The following ZNF827 variants were observed in gnomAD, a reference collection of about 807,000 sequenced individuals.
ZNF827 encodes the protein zinc finger protein 827.
ZNF827 carries 13 observed loss-of-function variants against 102.4 expected under a neutral mutation model. The observed-to-expected ratio is 0.13, with a 90% CI of 0.08 to 0.20. The LOEUF is 0.20. ZNF827 is among the 10% of genes least tolerant of loss of function. ZNF827 has a pLI of 1.00. For missense variants in ZNF827, 1,103 were observed against 1,344.4 expected, an observed-to-expected ratio of 0.82 and a Z score of 2.81; for synonymous variants, 523 against 536.2, an observed-to-expected ratio of 0.98 and a Z score of 0.34.
intron 5 of ZNF827, among the ~76,000 whole-genome samples, chr4:145,853,671 T>A (rs1156481593): frequency 6.6e-6 from 1 of 152,114 alleles, no homozygotes; most frequent in East Asian, 1.9e-4. Flanking sequence ...GGTGGCTGAC[T>A]GTAGTCTGAA....
intron 5 of ZNF827, among the ~76,000 whole-genome samples, chr4:145,869,109 G>A (rs978639720): frequency 1.2e-4 from 19 of 152,318 alleles, no homozygotes; most frequent in African/African-American, 4.3e-4. Flanking sequence ...GCTATGATAA[G>A]AATGTAATGA....
At position 145,919,638 on chromosome 4, in the gene ZNF827, A is replaced by G. The variant is rs187111518; in HGVS notation, c.44-16423T>C. Among the ~76,000 whole-genome samples the G allele has an allele frequency of 3.2e-3, 483 of 152,356 alleles. 3 individuals carry two copies. Among genetic ancestry groups the G allele is most frequent in the African/African-American group, 0.011 (451 of 41,586 alleles). ...AGGAATACAGTGATGAACCAGAAAT[A>G]TGAAGAATGCTCTGTCCCCCACTAC... On this transcript the variant is annotated intron_variant, in intron 1 of 14. Transcript: ENST00000508784.
chr4:145,902,420 G>A lies in ZNF827; in HGVS notation c.839C>T (p.Ser280Phe). 3 of 1,614,216 alleles carry A rather than the reference G, an allele frequency of 1.9e-6. No homozygotes were observed. Among genetic ancestry groups the A allele is most frequent in the Non-Finnish European group, 1.7e-6 (2 of 1,180,052 alleles). Reference protein sequence around the residue: ...EHPPPASSFLSLASMTSSAAL... With the variant: ...EHPPPASSFLFLASMTSSAAL... ...CGCTGAGGAGGTCATAGAAGCCAGG[G>A]AAAGGAAGGAGCTGGCCGGTGGAGG... The change falls in exon 2 of 15, where the codon TCC (serine) becomes TTC (phenylalanine). Residue 280 changes from serine to phenylalanine, a missense_variant. Coordinates refer to ENST00000508784, the MANE Select transcript of ZNF827 (RefSeq NM_001306215.2). This position sits in a 1 kb window ranked among gnomAD's most constrained non-coding sequence, Gnocchi z 4.3.
rs780844219 is a variant in ZNF827, at chr4:145,938,431, CT to C, written c.-25del. 21 of 1,566,432 alleles carry C rather than the reference CT, an allele frequency of 1.3e-5. No homozygotes were observed. Among genetic ancestry groups the C allele is most frequent in the Non-Finnish European group, 1.8e-5 (21 of 1,151,912 alleles). On this transcript the variant is annotated 5_prime_UTR_variant, in exon 1 of 15. Transcript: ENST00000508784. ...ATTTTCCCCCTTTTCTCACATTCTC[CT>C]CCTTGGTTAATGTGAGATCAAATAA...
intron 8 of ZNF827, among the ~76,000 whole-genome samples, chr4:145,807,784 A>C (rs1464758588): frequency 1.3e-5 from 2 of 150,340 alleles, no homozygotes; most frequent in African/African-American, 4.9e-5. Flanking sequence ...TAAAAAAAAA[A>C]AACAAAAAAC....
At chr4:145,890,779 T>G (rs1425815030) in intron 3 of ZNF827, among the ~76,000 whole-genome samples, 2 of 152,162 alleles carry the variant, frequency 1.3e-5, no homozygotes, top group Admixed American at 1.3e-4. Context: ...AGGGTTAAAG[T>G]AAAAACTAAG....
At chr4:145,882,289 C>T (rs1749733064) in intron 4 of ZNF827, among the ~76,000 whole-genome samples, 1 of 152,168 alleles carries the variant, frequency 6.6e-6, no homozygotes, top group African/African-American at 2.4e-5. Context: ...TCAGTCTAAA[C>T]CGTGGGTGAA....
At chr4:145,792,647 G>T (rs575141483) in intron 8 of ZNF827, among the ~76,000 whole-genome samples, 1 of 152,012 alleles carries the variant, frequency 6.6e-6, no homozygotes, top group Non-Finnish European at 1.5e-5. Context: ...GTCCGTCTTG[G>T]CCTCCCAAAG....
intron 4 of ZNF827, among the ~76,000 whole-genome samples, chr4:145,875,221 T>C (rs2126779076): frequency 6.6e-6 from 1 of 152,294 alleles, no homozygotes; most frequent in Middle Eastern, 3.4e-3. Flanking sequence ...TCTTGAGTAA[T>C]TACATAGGGA....
chr4:145,906,445 G>A (rs972326494), intron 1 of ZNF827, among the ~76,000 whole-genome samples: 2 of 152,270 alleles, frequency 1.3e-5, no homozygotes, highest in Admixed American at 6.5e-5. Flanking sequence ...CGGTCAAAAG[G>A]AGATTCAAAT....
intron 1 of ZNF827, among the ~76,000 whole-genome samples, chr4:145,915,592 A>G (rs1752610325): frequency 6.6e-6 from 1 of 152,218 alleles, no homozygotes. Flanking sequence ...AGTTTCCAAC[A>G]TATGAATTCT....
At chr4:145,796,080 A>G (rs1459872797) in intron 8 of ZNF827, among the ~76,000 whole-genome samples, 3 of 152,182 alleles carry the variant, frequency 2.0e-5, no homozygotes, top group Non-Finnish European at 4.4e-5. Flanking sequence ...ACCCTACTGA[A>G]ACGATGCTAA....
At chr4:145,833,585 AG>A (rs1444972144) in intron 7 of ZNF827, among the ~76,000 whole-genome samples, 1 of 151,668 alleles carries the variant, frequency 6.6e-6, no homozygotes, top group Non-Finnish European at 1.5e-5. Flanking sequence ...CTTCACCCTT[AG>A]CGGCAAGTCC....
At chr4:145,911,283 C>G (rs1285686496) in intron 1 of ZNF827, among the ~76,000 whole-genome samples, 1 of 152,194 alleles carries the variant, frequency 6.6e-6, no homozygotes, top group Non-Finnish European at 1.5e-5. Flanking sequence ...TTTCAAGTGA[C>G]TTCTGCATTC....
In ZNF827 at chr4:145,902,267, G is replaced by A. The variant is rs1358724274; in HGVS notation, c.992C>T (p.Pro331Leu). 3.1e-6 allele frequency: 5 copies of A among 1,589,438 alleles called. No individual in the cohort carries two copies. Among genetic ancestry groups the A allele is most frequent in the Admixed American group, 3.5e-5 (2 of 56,482 alleles). Residue 331 changes from proline (P) to leucine (L), a missense_variant, in exon 2 of 15, where the codon CCT (proline) becomes CTT (leucine). Transcript: ENST00000508784. The surrounding 1 kb of genome is among the most constrained non-coding windows in gnomAD (Gnocchi z 4.3). ...TGGAGGTGGTGGAGGTGGCGGTGGA[G>A]GTGGCGGAGTGACTTTTTCTGGTTT... ...EKKPEKVTPP[P>L]PPPPPPPPPP... is the part of the protein sequence containing the mutation.
chr4:145,804,897 G>A (rs1183271914), intron 8 of ZNF827, among the ~76,000 whole-genome samples: 2 of 152,136 alleles, frequency 1.3e-5, no homozygotes, highest in African/African-American at 2.4e-5. Context: ...CTAAGTGACA[G>A]ATGTTACTGT....
chr4:145,869,603 A>G (rs1748509566), intron 5 of ZNF827, among the ~76,000 whole-genome samples: 1 of 152,158 alleles, frequency 6.6e-6, no homozygotes, highest in Non-Finnish European at 1.5e-5. Flanking sequence ...CAGATAGGAG[A>G]TGACGTGGAA....
At chr4:145,782,731 C>A (rs1238985674) in intron 8 of ZNF827, among the ~76,000 whole-genome samples, 2 of 152,208 alleles carry the variant, frequency 1.3e-5, no homozygotes, top group Non-Finnish European at 2.9e-5. Context: ...AAACTTCTGG[C>A]TTCTGAGTCC....
chr4:145,885,414 G>T (rs1750022956), intron 4 of ZNF827, among the ~76,000 whole-genome samples: 1 of 151,858 alleles, frequency 6.6e-6, no homozygotes, highest in Non-Finnish European at 1.5e-5. Flanking sequence ...TCACCAAAGG[G>T]AAAAAAGCAG....
Sources: allele counts gnomAD v4.1 joint callset (sites outside exome capture counted in the v4.1 genomes callset), GRCh38; gene constraint gnomAD v4.1.1; non-coding constraint Gnocchi (gnomAD v3.1); transcripts MANE v1.5; gene names NCBI Gene and HGNC (gene_info 2026-07-23, HGNC 2026-07-21).